The following FRMD3 variants were observed in gnomAD, a reference collection of about 807,000 sequenced individuals.
The protein encoded by FRMD3 is FERM domain-containing protein 3.
A neutral mutation model predicts 70.2 loss-of-function variants in FRMD3; 33 were observed. That is an observed-to-expected ratio of 0.47 (90% confidence interval 0.36 to 0.63). FRMD3 has a LOEUF of 0.63. FRMD3 is among the 20% of genes least tolerant of loss of function. The probability of loss-of-function intolerance (pLI) is 0.00; values close to 1 mark genes in which losing one functional copy is unlikely to be tolerated. For synonymous variants in FRMD3, 279 were observed against 255.9 expected (o/e 1.09, Z -0.86); for missense variants, 632 against 711.4 (o/e 0.89, Z 1.27).
At chr9:83,489,372 A>G (rs1470454873) in intron 1 of FRMD3, among the ~76,000 whole-genome samples, 2 of 152,180 alleles carry the variant, frequency 1.3e-5, no homozygotes, top group Non-Finnish European at 2.9e-5. Context: ...CAAAGACCTA[A>G]TATCTGGAAT....
At chr9:83,479,681 A>AAAGT (rs1234264948) in intron 1 of FRMD3, among the ~76,000 whole-genome samples, 1 of 67,092 alleles carries the variant, frequency 1.5e-5, no homozygotes, top group Non-Finnish European at 2.7e-5. Context: ...GGAAAGAAAG[A>AAAGT]AAGAAAGAAA....
At chr9:83,254,265 A>G (rs906814049) in intron 13 of FRMD3, among the ~76,000 whole-genome samples, 4 of 152,146 alleles carry the variant, frequency 2.6e-5, no homozygotes, top group Non-Finnish European at 5.9e-5. Flanking sequence ...AAAGTATGAT[A>G]ATAAAAAAAA....
intron 1 of FRMD3, among the ~76,000 whole-genome samples, chr9:83,423,092 G>T (rs1013119845): frequency 6.6e-6 from 1 of 152,134 alleles, no homozygotes; most frequent in African/African-American, 2.4e-5. Flanking sequence ...CACCAATTTC[G>T]ATATTTTGAA....
the FRMD3 span, among the ~76,000 whole-genome samples, chr9:83,561,290 C>G: frequency 3.3e-5 from 5 of 152,216 alleles, no homozygotes; most frequent in Non-Finnish European, 7.3e-5. Flanking sequence ...GATGGCCAAG[C>G]TCTTGCTGAA....
intron 5 of FRMD3, among the ~76,000 whole-genome samples, chr9:83,339,228 C>T (rs1465421655): frequency 1.3e-5 from 2 of 152,206 alleles, no homozygotes; most frequent in Non-Finnish European, 2.9e-5. Context: ...AACACTGTCC[C>T]CATCACAGGC....
chr9:83,244,952 T>C lies in FRMD3; in HGVS notation c.*2966A>G. 1 of 983,554 alleles carries C rather than the reference T, an allele frequency of 1.0e-6. No homozygotes were observed. The allele number at this position is 983,554 out of a possible 1,614,324, so 60.9% of individuals were successfully genotyped here. On this transcript the variant is annotated 3_prime_UTR_variant, in exon 14 of 14. Coordinates refer to ENST00000304195, the MANE Select transcript of FRMD3 (RefSeq NM_174938.6). Reference sequence around the variant, plus strand: ...TTAGCACTAAAGGCAATATTGTGTGTGTATATGTATTTGCCATATGTGTGT... The same window carrying C: ...TTAGCACTAAAGGCAATATTGTGTGCGTATATGTATTTGCCATATGTGTGT...
chr9:83,457,769 T>C (rs1827859118), intron 1 of FRMD3, among the ~76,000 whole-genome samples: 1 of 152,084 alleles, frequency 6.6e-6, no homozygotes, highest in South Asian at 2.1e-4. Flanking sequence ...TTCTTGAAAT[T>C]TCCTAAGACC....
At chr9:83,410,323 C>T (rs1821563375) in intron 1 of FRMD3, among the ~76,000 whole-genome samples, 1 of 152,068 alleles carries the variant, frequency 6.6e-6, no homozygotes, top group Admixed American at 6.5e-5. Context: ...CACAGTAGTC[C>T]CCAGTTTCAT....
At chr9:83,339,397 C>T (rs899717568) in intron 5 of FRMD3, among the ~76,000 whole-genome samples, 6 of 152,200 alleles carry the variant, frequency 3.9e-5, no homozygotes, top group African/African-American at 1.2e-4. Context: ...AAGTTGAAGT[C>T]GTGACAAATG....
chr9:83,344,949 C>T (rs1028182576), intron 4 of FRMD3, among the ~76,000 whole-genome samples: 3 of 149,156 alleles, frequency 2.0e-5, no homozygotes, highest in East Asian at 1.9e-4. Flanking sequence ...ACAGGAAGAG[C>T]GACATGTGTA....
intron 6 of FRMD3, among the ~76,000 whole-genome samples, chr9:83,318,921 T>C (rs1242467370): frequency 3.3e-5 from 5 of 152,200 alleles, no homozygotes; most frequent in Admixed American, 2.6e-4. Context: ...ATTTTTTTCA[T>C]GTTTCTTGGC....
At chr9:83,458,721 C>T (rs906387182) in intron 1 of FRMD3, among the ~76,000 whole-genome samples, 1 of 152,070 alleles carries the variant, frequency 6.6e-6, no homozygotes, top group African/African-American at 2.4e-5. Context: ...ACTCAAAAGC[C>T]AGCAAAATGC....
At position 83,299,100 on chromosome 9, in the gene FRMD3, A is replaced by G. The variant is rs1425168460; in HGVS notation, c.1001+12T>C. 9 of 1,583,462 alleles carry G rather than the reference A, an allele frequency of 5.7e-6. No individual in the cohort carries two copies. Among genetic ancestry groups the G allele is most frequent in the Non-Finnish European group, 7.8e-6 (9 of 1,152,498 alleles). On this transcript the variant is annotated intron_variant, in intron 11 of 13. Coordinates refer to ENST00000304195, the MANE Select transcript of FRMD3 (RefSeq NM_174938.6). ...CCCACCCCCTCACTGAAATGGAACC[A>G]TTGGTACCCACCTATATCGAAATCT...
rs981897098 is a variant in FRMD3, at chr9:83,244,627, C to T, written c.*3291G>A. ...AACTGAATGATTGCAAAAAATTTTA[C>T]CCCAGAGTATTTTTATTAGGGATTC... On this transcript the variant is annotated 3_prime_UTR_variant, in exon 14 of 14. Transcript: ENST00000304195. 8.2e-6 allele frequency: 8 copies of T among 981,188 alleles called. No homozygotes were observed. Among genetic ancestry groups the T allele is most frequent in the Non-Finnish European group, 8.5e-6 (7 of 826,322 alleles). 60.8% of individuals were successfully genotyped at this position (981,188 alleles called of 1,614,324 possible).
At chr9:83,291,782 G>A (rs76909173) in intron 12 of FRMD3, among the ~76,000 whole-genome samples, 2,917 of 152,234 alleles carry the variant, frequency 0.019, 41 homozygotes, top group Non-Finnish European at 0.027. Flanking sequence ...AAACTAAAGT[G>A]CACCAAATGC....
downstream of FRMD3, chr9:83,243,117 T>C: frequency 1.4e-6 from 2 of 1,393,940 alleles, no homozygotes; most frequent in Non-Finnish European, 2.0e-6. Flanking sequence ...CCACCGAACT[T>C]ACCCACCCAG....
chr9:83,434,946 C>T (rs2131382196), intron 1 of FRMD3, among the ~76,000 whole-genome samples: 1 of 151,500 alleles, frequency 6.6e-6, no homozygotes, highest in East Asian at 2.0e-4. Flanking sequence ...CCTGCCTCAG[C>T]CTCCTGAGTA....
intron 1 of FRMD3, among the ~76,000 whole-genome samples, chr9:83,499,884 G>A (rs926955518): frequency 1.3e-5 from 2 of 152,156 alleles, no homozygotes; most frequent in Non-Finnish European, 2.9e-5. Context: ...TACACAAACT[G>A]TGGTACATCC....
the FRMD3 span, among the ~76,000 whole-genome samples, chr9:83,550,036 C>A: frequency 6.6e-6 from 1 of 151,960 alleles, no homozygotes; most frequent in African/African-American, 2.4e-5. Context: ...TTCCTATGTC[C>A]GGGATAGTAT....
Sources: allele counts gnomAD v4.1 joint callset (sites outside exome capture counted in the v4.1 genomes callset), GRCh38; gene constraint gnomAD v4.1.1; transcripts MANE v1.5; gene names NCBI Gene and HGNC (gene_info 2026-07-23, HGNC 2026-07-21).